SH3GL2: variants seen among roughly 807,000 people sequenced by gnomAD.
SH3GL2 encodes the protein SH3 domain containing GRB2 like 2, endophilin A1.
A neutral mutation model predicts 46.0 loss-of-function variants in SH3GL2; 24 were observed. The ratio of observed to expected loss-of-function variants is 0.52; its 90% CI spans 0.38 to 0.73. SH3GL2 has a LOEUF of 0.73. SH3GL2 is among the 30% of genes least tolerant of loss of function. SH3GL2 has a pLI of 0.00. For missense variants in SH3GL2, 413 were observed against 424.2 expected (o/e 0.97, Z 0.23); for synonymous variants, 196 against 147.1 (o/e 1.33, Z -2.40).
intron 1 of SH3GL2, among the ~76,000 whole-genome samples, chr9:17,742,835 GT>G (rs1228825436): frequency 1.3e-5 from 2 of 152,268 alleles, no homozygotes; most frequent in East Asian, 3.9e-4. Flanking sequence ...CAGGAGAGTT[GT>G]TTTTAGGAGT....
intron 3 of SH3GL2, among the ~76,000 whole-genome samples, chr9:17,784,854 A>T (rs1823909806): frequency 6.6e-6 from 1 of 152,132 alleles, no homozygotes; most frequent in African/African-American, 2.4e-5. Flanking sequence ...TTGAGACTAC[A>T]GGTGGGCACC....
chr9:17,583,818 A>C (rs951797418), intron 1 of SH3GL2, among the ~76,000 whole-genome samples: 1 of 152,138 alleles, frequency 6.6e-6, no homozygotes, highest in Non-Finnish European at 1.5e-5. Flanking sequence ...TGTATTTTAT[A>C]TGGATGCTTT....
In SH3GL2 at chr9:17,579,298, C is replaced by A; in HGVS notation, c.45+11C>A. On this transcript the variant is annotated intron_variant, in intron 1 of 8. Transcript: ENST00000380607. ...CATAAAGCCACTCAGGTAAGGCGCG[C>A]GGCAGGTGCGTCCCGGGGCAGTCCG... The A allele has an allele frequency of 6.4e-7, 1 of 1,554,276 alleles. No individual in the cohort carries two copies. Among genetic ancestry groups the A allele is most frequent in the Non-Finnish European group, 8.7e-7 (1 of 1,149,800 alleles).
chr9:17,779,468 C>G lies in SH3GL2; in HGVS notation c.188-6913C>G, dbSNP rs138855429. 2.9e-3 allele frequency among the ~76,000 whole-genome samples: 441 copies of G among 152,192 alleles called. 2 individuals carry two copies. Among genetic ancestry groups the G allele is most frequent in the African/African-American group, 0.01 (422 of 41,538 alleles). On this transcript the variant is annotated intron_variant, in intron 3 of 8. Transcript: ENST00000380607. Reference sequence around the variant, plus strand: ...TGAGAGCTCGGATAGGCTTTCCAGGCTCTCTGAGGTTCCATATCCTTTCTT... The same window carrying G: ...TGAGAGCTCGGATAGGCTTTCCAGGGTCTCTGAGGTTCCATATCCTTTCTT...
intron 3 of SH3GL2, among the ~76,000 whole-genome samples, chr9:17,782,206 A>T (rs1823829510): frequency 6.6e-6 from 1 of 152,186 alleles, no homozygotes; most frequent in African/African-American, 2.4e-5. Context: ...TATTGATTTT[A>T]ATCAATTTAA....
intron 1 of SH3GL2, among the ~76,000 whole-genome samples, chr9:17,601,527 C>T (rs1308180355): frequency 6.6e-6 from 1 of 152,092 alleles, no homozygotes; most frequent in Non-Finnish European, 1.5e-5. Flanking sequence ...TAACTATGTG[C>T]ATAATTTCCT....
At chr9:17,749,792 C>A (rs1174033053) in intron 2 of SH3GL2, among the ~76,000 whole-genome samples, 2 of 152,108 alleles carry the variant, frequency 1.3e-5, no homozygotes, top group Non-Finnish European at 2.9e-5. Flanking sequence ...GAGAATCCTC[C>A]AAGCATTTTA....
At chr9:17,655,066 G>T (rs4961444) in intron 1 of SH3GL2, among the ~76,000 whole-genome samples, 1 of 152,172 alleles carries the variant, frequency 6.6e-6, no homozygotes, top group Admixed American at 6.5e-5. Flanking sequence ...TGAGGAGGAT[G>T]AATTAGATCA....
At chr9:17,597,976 C>T (rs923376969) in intron 1 of SH3GL2, among the ~76,000 whole-genome samples, 3 of 152,138 alleles carry the variant, frequency 2.0e-5, no homozygotes, top group African/African-American at 7.2e-5. Flanking sequence ...TTCCCTGCCC[C>T]CGTGGAACTG....
intron 1 of SH3GL2, chr9:17,735,693 A>C (rs1223004769): frequency 1.3e-6 from 1 of 777,930 alleles, no homozygotes; most frequent in Non-Finnish European, 1.6e-6. Flanking sequence ...CCCTGCATAC[A>C]CTGAGGGACA....
intron 1 of SH3GL2, among the ~76,000 whole-genome samples, chr9:17,737,695 T>C (rs2118467661): frequency 6.6e-6 from 1 of 152,108 alleles, no homozygotes; most frequent in East Asian, 1.9e-4. Context: ...TTGGTTTTGG[T>C]CGTTTTCGTT....
chr9:17,678,132 TCCTTTGGGTATATA>T (rs1363982084), intron 1 of SH3GL2, among the ~76,000 whole-genome samples: 7 of 152,172 alleles, frequency 4.6e-5, no homozygotes, highest in African/African-American at 1.7e-4. Flanking sequence ...TGATTTATAG[TCCTTTGGGTATATA>T]CCCAGTAATG....
intron 5 of SH3GL2, among the ~76,000 whole-genome samples, chr9:17,788,600 A>C (rs1824029313): frequency 6.6e-6 from 1 of 152,120 alleles, no homozygotes; most frequent in Non-Finnish European, 1.5e-5. Context: ...CTACTTTGCT[A>C]CCTGGTCACT....
intron 1 of SH3GL2, among the ~76,000 whole-genome samples, chr9:17,731,684 C>G (rs1044418332): frequency 6.6e-6 from 1 of 152,062 alleles, no homozygotes; most frequent in Admixed American, 6.6e-5. Flanking sequence ...TTATGACAGC[C>G]CAAGCTGACT....
At chr9:17,644,993 T>G (rs200817521) in intron 1 of SH3GL2, among the ~76,000 whole-genome samples, 9 of 152,036 alleles carry the variant, frequency 5.9e-5, no homozygotes, top group African/African-American at 1.4e-4. Context: ...GTTGCTTTAT[T>G]AATCTGGGTG....
intron 1 of SH3GL2, among the ~76,000 whole-genome samples, chr9:17,693,289 A>C (rs997376625): frequency 2.6e-5 from 4 of 152,072 alleles, no homozygotes; most frequent in African/African-American, 7.2e-5. Context: ...TTTTTTCTCC[A>C]GTGGCAAGTA....
chr9:17,711,395 TG>T (rs1821618331), intron 1 of SH3GL2, among the ~76,000 whole-genome samples: 1 of 151,892 alleles, frequency 6.6e-6, no homozygotes, highest in African/African-American at 2.4e-5. Flanking sequence ...ATCTGTGAAT[TG>T]ATCACTGAAA....
Position 17,789,837 on chromosome 9 carries a change from A to G in SH3GL2, c.624+287A>G, listed in dbSNP as rs1208953320. ...GTTAAAGTCTTGAATATATCATGTA[A>G]TTTATCGAATAACGCATTAAAAGTA... On this transcript the variant is annotated intron_variant, in intron 6 of 8. Coordinates refer to ENST00000380607, the MANE Select transcript of SH3GL2 (RefSeq NM_003026.5). 5.7e-6 allele frequency: 5 copies of G among 873,542 alleles called. No individual in the cohort carries two copies. The African/African-American group carries it at 9.1e-5, about 16-fold the overall frequency. The allele number at this position is 873,542 out of a possible 1,614,324, so 54.1% of individuals were successfully genotyped here.
chr9:17,709,274 T>C (rs1821556069), intron 1 of SH3GL2, among the ~76,000 whole-genome samples: 1 of 152,016 alleles, frequency 6.6e-6, no homozygotes, highest in African/African-American at 2.4e-5. Flanking sequence ...CAATATCCTG[T>C]CGTGGATGGA....
Sources: allele counts gnomAD v4.1 joint callset (sites outside exome capture counted in the v4.1 genomes callset), GRCh38; gene constraint gnomAD v4.1.1; transcripts MANE v1.5; gene names NCBI Gene and HGNC (gene_info 2026-07-23, HGNC 2026-07-21).